The following CLEC16A variants were observed in gnomAD, a reference collection of about 807,000 sequenced individuals.
CLEC16A encodes protein CLEC16A.
Under a neutral mutation model 109.5 loss-of-function variants are expected in CLEC16A, and 51 were observed. The observed-to-expected ratio is 0.47, with a 90% CI of 0.37 to 0.59. The LOEUF (loss-of-function observed/expected upper bound fraction) is 0.59, where lower values mean the gene tolerates loss of function less well. Ranked by LOEUF, CLEC16A falls within the 20% of genes least tolerant of loss-of-function variation. The pLI, the probability that CLEC16A is intolerant of heterozygous loss-of-function variation, is 0.00. For synonymous variants in CLEC16A, 673 were observed against 564.2 expected (o/e 1.19, Z -2.73); for missense variants, 1,339 against 1,394.0 (o/e 0.96, Z 0.63).
At position 11,178,478 on chromosome 16, in the gene CLEC16A, G is replaced by A. The variant is rs765434045; in HGVS notation, c.2950G>A (p.Val984Ile). 2.4e-5 allele frequency: 39 copies of A among 1,613,508 alleles called. No homozygotes were observed. Among genetic ancestry groups the A allele is most frequent in the Non-Finnish European group, 2.9e-5 (34 of 1,179,896 alleles). ...VETASLSPSL[V>I]PARQPTISLL... is the part of the protein sequence containing the mutation. The stretch of plus-strand genomic sequence containing the variant: ...GACAGCCAGCCTGTCCCCCAGCCTC[G>A]TCCCTGCCCGGCAGCCCACCATTTC... Residue 984 changes from valine to isoleucine, a missense_variant, in exon 24 of 24, where the codon GTC (valine) becomes ATC (isoleucine). Physicochemically the swap from Val to Ile is conservative, Grantham distance 29. This residue lies in a region of CLEC16A where 1,061 missense variants were observed against 1,006.8 expected (regional missense o/e 1.05). Coordinates refer to ENST00000409790, the MANE Select transcript of CLEC16A (RefSeq NM_015226.3). This position sits in a 1 kb window ranked among gnomAD's most constrained non-coding sequence, Gnocchi z 6.5.
chr16:11,172,991 C>T (rs189469698), intron 23 of CLEC16A, among the ~76,000 whole-genome samples: 5 of 152,242 alleles, frequency 3.3e-5, no homozygotes, highest in Non-Finnish European at 5.9e-5. Flanking sequence ...CTGCTGTTGA[C>T]GGCCCAGTGC....
intron 3 of CLEC16A, among the ~76,000 whole-genome samples, chr16:10,968,659 C>A (rs1329834243): frequency 2.6e-5 from 4 of 152,190 alleles, no homozygotes; most frequent in African/African-American, 9.7e-5. Context: ...GTAAAGCACT[C>A]AGCCTAGTGG....
rs2068864206 is a variant in CLEC16A at position 11,178,701 on chromosome 16, G to C, written c.*11G>C. 1.4e-6 allele frequency: 2 copies of C among 1,462,380 alleles called. No individual in the cohort carries two copies. The highest frequency in any genetic ancestry group is 2.8e-5 in the African/African-American group (2 of 71,062). The allele number at this position is 1,462,380 out of a possible 1,614,324, so 90.6% of individuals were successfully genotyped here. On this transcript the variant is annotated 3_prime_UTR_variant, in exon 24 of 24. Transcript: ENST00000409790. The surrounding 1 kb of genome is among the most constrained non-coding windows in gnomAD (Gnocchi z 6.5). Reference sequence around the variant, plus strand: ...ACCGCTGAGGACTGAGTCAGTGCCGGGGCCTCCCTTTGTGTGTGTGGCCCC... The same window carrying C: ...ACCGCTGAGGACTGAGTCAGTGCCGCGGCCTCCCTTTGTGTGTGTGGCCCC...
At chr16:11,117,022 T>C (rs879674995) in intron 19 of CLEC16A, among the ~76,000 whole-genome samples, 6 of 152,192 alleles carry the variant, frequency 3.9e-5, no homozygotes, top group African/African-American at 1.2e-4. Context: ...AACTAAGTCG[T>C]GTCCTTTGAA....
At chr16:11,147,373 G>T (rs1248786619) in intron 22 of CLEC16A, among the ~76,000 whole-genome samples, 2 of 152,172 alleles carry the variant, frequency 1.3e-5, no homozygotes, top group Non-Finnish European at 2.9e-5. Flanking sequence ...TTCCTGTAAT[G>T]AATTCTTTGG....
intron 22 of CLEC16A, among the ~76,000 whole-genome samples, chr16:11,159,977 C>T (rs12925631): frequency 0.038 from 5,787 of 152,140 alleles, 144 homozygotes; most frequent in Non-Finnish European, 0.055. Context: ...GGCTGCAGGG[C>T]GAGGTTAGTG....
At chr16:11,029,304 A>G (rs1003081822) in intron 13 of CLEC16A, among the ~76,000 whole-genome samples, 1 of 152,140 alleles carries the variant, frequency 6.6e-6, no homozygotes, top group South Asian at 2.1e-4. Context: ...CACAGGCTTC[A>G]TTCTGGCAGG....
chr16:10,944,909 G>A (rs2041268690), intron 1 of CLEC16A, 112 bp downstream of exon 1: 4 of 1,060,660 alleles, frequency 3.8e-6, no homozygotes, highest in East Asian at 5.3e-5. Flanking sequence ...GGCGCCCGGG[G>A]AAGCCCGTGT....
At chr16:10,955,375 AG>A (rs1195866706) in intron 1 of CLEC16A, among the ~76,000 whole-genome samples, 1 of 152,186 alleles carries the variant, frequency 6.6e-6, no homozygotes, top group Non-Finnish European at 1.5e-5. Context: ...GCTGACCTTG[AG>A]GAGCTCAGGT....
chr16:11,010,996 G>T (rs543878786), intron 11 of CLEC16A, among the ~76,000 whole-genome samples: 2 of 152,208 alleles, frequency 1.3e-5, no homozygotes, highest in Non-Finnish European at 2.9e-5. Context: ...ACTTCTCAGG[G>T]TGTCACATCT....
intron 18 of CLEC16A, among the ~76,000 whole-genome samples, 158 bp downstream of exon 18, chr16:11,051,799 T>A (rs1321601898): frequency 6.6e-6 from 1 of 152,262 alleles, no homozygotes; most frequent in Admixed American, 6.5e-5. Context: ...GGCATGACTT[T>A]CCAAGGCATG....
At chr16:11,158,967 A>G (rs2054626928) in intron 22 of CLEC16A, among the ~76,000 whole-genome samples, 1 of 150,986 alleles carries the variant, frequency 6.6e-6, no homozygotes, top group African/African-American at 2.4e-5. Context: ...GTTGCATACA[A>G]ACGGCTCACA....
chr16:11,002,055 C>CT (rs1247790887), intron 10 of CLEC16A, among the ~76,000 whole-genome samples: 1 of 152,182 alleles, frequency 6.6e-6, no homozygotes, highest in Non-Finnish European at 1.5e-5. Context: ...TATCAGTGGG[C>CT]TGTAGCTAAG....
intron 22 of CLEC16A, among the ~76,000 whole-genome samples, 163 bp from the exon 23 acceptor site, chr16:11,166,225 A>T (rs915788598): frequency 1.3e-5 from 2 of 152,196 alleles, no homozygotes; most frequent in African/African-American, 4.8e-5. Context: ...ATAGCTTCAA[A>T]ATGTGGCTGG....
chr16:11,088,311 C>A (rs149520265), intron 19 of CLEC16A, among the ~76,000 whole-genome samples: 1 of 152,218 alleles, frequency 6.6e-6, no homozygotes, highest in Non-Finnish European at 1.5e-5. Context: ...AGCTAGGACT[C>A]CACAGAACCA....
chr16:11,028,108 G>A (rs1478524439), intron 13 of CLEC16A, among the ~76,000 whole-genome samples: 1 of 152,254 alleles, frequency 6.6e-6, no homozygotes, highest in Non-Finnish European at 1.5e-5. Context: ...GCTGAGGCAG[G>A]AGAATCGCTC....
Position 11,181,043 on chromosome 16 carries a change from C to A in CLEC16A, c.*2353C>A, listed in dbSNP as rs995451349. 7 of 152,416 alleles carry A rather than the reference C, an allele frequency of 4.6e-5. No homozygotes were observed. Among genetic ancestry groups the A allele is most frequent in the African/African-American group, 1.7e-4 (7 of 41,468 alleles). 9.4% of individuals were successfully genotyped at this position (152,416 alleles called of 1,614,324 possible). ...TTCAGCTGGGGCTGGCAACTTGCGT[C>A]TGGGGGACACCTCCAGGTGTGTGGG... On this transcript the variant is annotated 3_prime_UTR_variant, in exon 24 of 24. Transcript: ENST00000409790.
chr16:10,957,685 A>T, intron 1 of CLEC16A, 97 bp from the exon 2 acceptor site: 1 of 1,261,606 alleles, frequency 7.9e-7, no homozygotes, highest in Non-Finnish European at 1.1e-6. Context: ...CTGAAAAAGC[A>T]TTGCTGCATT....
chr16:11,143,037 C>T (rs1328143520), intron 22 of CLEC16A, among the ~76,000 whole-genome samples: 2 of 152,214 alleles, frequency 1.3e-5, no homozygotes, highest in African/African-American at 2.4e-5. Flanking sequence ...TCTCGAACTT[C>T]TGACTTCAGG....
Sources: gnomAD v4.1 joint callset for allele counts (sites outside exome capture counted in the v4.1 genomes callset) on GRCh38, gnomAD v4.1.1 for gene constraint, gnomAD v4.1.1 regional missense constraint, Gnocchi (gnomAD v3.1) non-coding constraint, MANE v1.5 for transcripts, NCBI Gene and HGNC (gene_info 2026-07-23, HGNC 2026-07-21) for gene names.